ITK: variants seen among roughly 807,000 people sequenced by gnomAD.
ITK encodes the protein tyrosine-protein kinase ITK/TSK.
A neutral mutation model predicts 87.6 loss-of-function variants in ITK; 45 were observed. That is an observed-to-expected ratio of 0.51 (90% CI 0.40 to 0.66). The LOEUF is 0.66. Among genes scored for constraint, ITK ranks in the 30% least tolerant of loss-of-function variants. ITK has a pLI of 0.00. For synonymous variants in ITK, 303 were observed against 273.6 expected, an observed-to-expected ratio of 1.11 and a Z score of -1.06; for missense variants, 605 against 766.3, an observed-to-expected ratio of 0.79 and a Z score of 2.48.
intron 10 of ITK, chr5:157,241,417 T>C: frequency 2.4e-6 from 1 of 415,988 alleles, no homozygotes; most frequent in Non-Finnish European, 4.4e-6. Flanking sequence ...ATATATCTTC[T>C]ATTAGCAAGC....
chr5:157,211,689 G>C (rs1754194933), intron 3 of ITK, among the ~76,000 whole-genome samples: 1 of 152,176 alleles, frequency 6.6e-6, no homozygotes, highest in African/African-American at 2.4e-5. Context: ...AATATTTACT[G>C]TCTGGCCTTT....
chr5:157,227,861 C>T (rs1364757807), intron 6 of ITK, among the ~76,000 whole-genome samples: 24 of 118,150 alleles, frequency 2.0e-4, no homozygotes, highest in African/African-American at 4.7e-4. Flanking sequence ...GACAGAGTCT[C>T]GCTCTGTTGC....
intron 11 of ITK, among the ~76,000 whole-genome samples, chr5:157,242,345 A>G (rs1011028135): frequency 3.3e-5 from 5 of 152,138 alleles, no homozygotes; most frequent in East Asian, 1.9e-4. Context: ...TCTAATTTTC[A>G]TTTCTTATCT....
chr5:157,218,016 T>G (rs1754334916), intron 5 of ITK, 109 bp downstream of exon 5: 1 of 974,652 alleles, frequency 1.0e-6, no homozygotes. Flanking sequence ...CCTGGCTGCA[T>G]GCAGCAGGCT....
Position 157,245,929 on chromosome 5 carries a change from G to A in ITK, c.1563G>A (p.Pro521=), listed in dbSNP as rs767821181. The A allele has an allele frequency of 1.8e-5, 29 of 1,614,044 alleles. No individual in the cohort carries two copies. The highest frequency in any genetic ancestry group is 4.4e-5 in the South Asian group (4 of 91,090). The change falls in exon 15 of 17, where the codon CCG becomes CCA. Residue 521 remains proline, a synonymous_variant. Coordinates refer to ENST00000422843, the MANE Select transcript of ITK (RefSeq NM_005546.4). ...QYTSSTGTKF[P]VKWASPEVFS... Reference sequence around the variant, plus strand: ...CCAGTTCCACAGGCACCAAATTCCCGGTGAAGTGGGCATCCCCAGAGGTTT... The same window carrying A: ...CCAGTTCCACAGGCACCAAATTCCCAGTGAAGTGGGCATCCCCAGAGGTTT...
At chr5:157,241,786 T>C in intron 11 of ITK, 66 bp downstream of exon 11, 1 of 1,169,188 alleles carries the variant, frequency 8.6e-7, no homozygotes, top group Non-Finnish European at 1.3e-6. Flanking sequence ...CTGAATAAAC[T>C]GGCCATGAGC....
At chr5:157,247,236 C>T (rs1755037481) in intron 15 of ITK, among the ~76,000 whole-genome samples, 1 of 152,186 alleles carries the variant, frequency 6.6e-6, no homozygotes, top group South Asian at 2.1e-4. Context: ...GTGGTTTGTT[C>T]ATTATGAGTC....
chr5:157,243,688 TTGG>T lies in ITK; in HGVS notation c.1129_1131del (p.Val377del), dbSNP rs766981833. The T allele has an allele frequency of 1.2e-6, 2 of 1,613,520 alleles. No individual in the cohort carries two copies. The highest frequency in any genetic ancestry group is 1.7e-6 in the Non-Finnish European group (2 of 1,179,894). ...AGAGATTGGCAGTGGGCAATTTGGGTTGGTGCATCTGGGCTACTGGCTCAACAA... is the reference window on the plus strand; with the variant it reads ...AGAGATTGGCAGTGGGCAATTTGGGTTGCATCTGGGCTACTGGCTCAACAA... On this transcript the variant is annotated inframe_deletion, in exon 12 of 17. Coordinates refer to ENST00000422843, the MANE Select transcript of ITK (RefSeq NM_005546.4).
intron 8 of ITK, among the ~76,000 whole-genome samples, chr5:157,233,035 G>A (rs1217877456): frequency 6.6e-6 from 1 of 152,198 alleles, no homozygotes; most frequent in Non-Finnish European, 1.5e-5. Context: ...TTTTACTCAG[G>A]GATGTCAAGA....
chr5:157,182,324 C>T (rs1405399588), intron 1 of ITK, among the ~76,000 whole-genome samples: 2 of 152,098 alleles, frequency 1.3e-5, no homozygotes, highest in African/African-American at 4.8e-5. Flanking sequence ...GGGTTTAAAG[C>T]ACTTCATGAG....
At chr5:157,190,278 C>T (rs1402743350) in intron 1 of ITK, among the ~76,000 whole-genome samples, 1 of 152,078 alleles carries the variant, frequency 6.6e-6, no homozygotes, top group East Asian at 1.9e-4. Flanking sequence ...GATTTTTCCC[C>T]CCAAACTTCA....
At chr5:157,232,779 C>T (rs1232844907) in intron 8 of ITK, among the ~76,000 whole-genome samples, 2 of 152,098 alleles carry the variant, frequency 1.3e-5, no homozygotes, top group Non-Finnish European at 2.9e-5. Context: ...GATAAGAAAC[C>T]TGGGCTTGGC....
chr5:157,248,947 G>A lies in ITK; in HGVS notation c.1731G>A (p.Leu577=). Residue 577 remains leucine, a synonymous_variant, in exon 16 of 17, where the codon TTG becomes TTA. Coordinates refer to ENST00000422843, the MANE Select transcript of ITK (RefSeq NM_005546.4). The part of the protein sequence containing the change: ...VVEDISTGFR[L]YKPRLASTHV... Reference sequence around the variant, plus strand: ...AAGACATCAGTACCGGATTTCGGTTGTACAAGCCCCGGCTGGCCTCCACAC... The same window carrying A: ...AAGACATCAGTACCGGATTTCGGTTATACAAGCCCCGGCTGGCCTCCACAC... 1 of 1,613,906 alleles carries A rather than the reference G, an allele frequency of 6.2e-7. No individual in the cohort carries two copies. The highest frequency in any genetic ancestry group is 1.7e-5 in the Admixed American group (1 of 60,008).
At chr5:157,192,585 A>G (rs948816194) in intron 1 of ITK, among the ~76,000 whole-genome samples, 4 of 152,374 alleles carry the variant, frequency 2.6e-5, no homozygotes, top group South Asian at 4.1e-4. Flanking sequence ...TGTCCATAAA[A>G]TCAAAGGATT....
intron 1 of ITK, chr5:157,199,358 C>T (rs1753917918): frequency 6.6e-6 from 1 of 152,172 alleles, no homozygotes; most frequent in Non-Finnish European, 1.5e-5. Context: ...TTCTCATCGA[C>T]ACATTTGCTG....
chr5:157,214,559 A>G (rs1316518685), intron 4 of ITK, among the ~76,000 whole-genome samples: 1 of 152,102 alleles, frequency 6.6e-6, no homozygotes, highest in African/African-American at 2.4e-5. Context: ...AACATCTCCT[A>G]GGAGTTAGTT....
At chr5:157,183,507 G>T (rs563775384) in intron 1 of ITK, among the ~76,000 whole-genome samples, 10 of 152,234 alleles carry the variant, frequency 6.6e-5, no homozygotes, top group African/African-American at 2.2e-4. Context: ...CTTAGCATAG[G>T]CCCTGTCATC....
Position 157,252,918 on chromosome 5 carries a change from C to T in ITK, c.*240C>T. ...GCCAGAACAGGAGTGATGTCTCTGC[C>T]CTTCCTCTAGCCTCTTGTCACATGT... On this transcript the variant is annotated 3_prime_UTR_variant, in exon 17 of 17. Transcript: ENST00000422843. The T allele has an allele frequency of 1.8e-6, 1 of 563,630 alleles. No homozygotes were observed. The highest frequency in any genetic ancestry group is 3.0e-5 in the East Asian group (1 of 33,036). The allele number at this position is 563,630 out of a possible 1,614,324, so 34.9% of individuals were successfully genotyped here.
At chr5:157,198,065 G>A (rs960356560) in intron 1 of ITK, among the ~76,000 whole-genome samples, 3 of 151,596 alleles carry the variant, frequency 2.0e-5, no homozygotes, top group Non-Finnish European at 4.4e-5. Flanking sequence ...CGGGTGGATT[G>A]CTTGAGACCA....
Sources: gnomAD v4.1 joint callset for allele counts (sites outside exome capture counted in the v4.1 genomes callset) on GRCh38, gnomAD v4.1.1 for gene constraint, MANE v1.5 for transcripts, NCBI Gene and HGNC (gene_info 2026-07-23, HGNC 2026-07-21) for gene names.